The following BMP7 variants were observed in gnomAD, a reference collection of about 807,000 sequenced individuals.
BMP7 encodes the protein bone morphogenetic protein 7.
A neutral mutation model predicts 41.2 loss-of-function variants in BMP7; 12 were observed. The observed-to-expected ratio is 0.29, with a 90% confidence interval of 0.19 to 0.47. The LOEUF (loss-of-function observed/expected upper bound fraction) is 0.47. BMP7 is among the 20% of genes least tolerant of loss of function. The pLI, the probability that BMP7 is intolerant of heterozygous loss-of-function variation, is 0.99. For synonymous variants in BMP7, 248 were observed against 250.0 expected, an observed-to-expected ratio of 0.99 and a Z score of 0.07; for missense variants, 467 against 606.0, an observed-to-expected ratio of 0.77 and a Z score of 2.41.
At chr20:57,180,257 A>C (rs917489688) in intron 4 of BMP7, among the ~76,000 whole-genome samples, 1 of 151,812 alleles carries the variant, frequency 6.6e-6, no homozygotes, top group Non-Finnish European at 1.5e-5. Context: ...TCAAGACGTG[A>C]CTCCCAAGAG....
intron 4 of BMP7, among the ~76,000 whole-genome samples, 170 bp from the exon 5 acceptor site, chr20:57,175,177 C>T (rs1489949332): frequency 1.3e-5 from 2 of 152,228 alleles, no homozygotes; most frequent in Non-Finnish European, 2.9e-5. Flanking sequence ...TGCCTTAAAA[C>T]TCATTTCTAC....
chr20:57,251,917 G>A (rs2066115485), intron 1 of BMP7, among the ~76,000 whole-genome samples: 1 of 152,222 alleles, frequency 6.6e-6, no homozygotes, highest in Non-Finnish European at 1.5e-5. Flanking sequence ...CTGGGTGACA[G>A]AGCAAGGCTC....
intron 1 of BMP7, among the ~76,000 whole-genome samples, chr20:57,245,280 TA>T (rs1470380960): frequency 6.6e-6 from 1 of 152,130 alleles, no homozygotes; most frequent in Admixed American, 6.5e-5. Flanking sequence ...GGTTGTCCTT[TA>T]AACCTCTTTC....
chr20:57,179,576 G>A (rs1600728500), intron 4 of BMP7, among the ~76,000 whole-genome samples: 1 of 152,214 alleles, frequency 6.6e-6, no homozygotes, highest in African/African-American at 2.4e-5. Flanking sequence ...GTGGGGTAGC[G>A]TGCCGGAGCA....
rs1261801528 is a variant in BMP7 at position 57,224,093 on chromosome 20, G to C, written c.611+4136C>G. Among the ~76,000 whole-genome samples the C allele has an allele frequency of 3.9e-5, 6 of 152,220 alleles. No homozygotes were observed. The highest frequency in any genetic ancestry group is 1.4e-4 in the African/African-American group (6 of 41,464). On this transcript the variant is annotated intron_variant, in intron 2 of 6. Transcript: ENST00000395863. The surrounding 1 kb of genome is among the most constrained non-coding windows in gnomAD (Gnocchi z 4.8). Reference sequence around the variant, plus strand: ...CCATCCCAGGGCTAGTCGAGGGCAAGAGCCTCTGCCTGGGCTGAAGGGACC... The same window carrying C: ...CCATCCCAGGGCTAGTCGAGGGCAACAGCCTCTGCCTGGGCTGAAGGGACC...
rs548469652 is a variant in BMP7 at position 57,229,001 on chromosome 20, C to T, written c.419-580G>A. The stretch of plus-strand genomic sequence containing the variant: ...GACCAGGGGTTCTCAGCCCTGAATG[C>T]ACATGAAAATCACTGTGGAAACTTT... On this transcript the variant is annotated intron_variant, in intron 1 of 6. Transcript: ENST00000395863. 5.9e-5 allele frequency among the ~76,000 whole-genome samples: 9 copies of T among 152,324 alleles called. No individual in the cohort carries two copies. The South Asian group carries it at 1.9e-3, about 32-fold the overall frequency.
At chr20:57,187,329 G>T (rs1200638478) in intron 3 of BMP7, among the ~76,000 whole-genome samples, 1 of 152,172 alleles carries the variant, frequency 6.6e-6, no homozygotes, top group African/African-American at 2.4e-5. Context: ...CCCCCTTTCC[G>T]TGATAGCCAA....
intron 4 of BMP7, among the ~76,000 whole-genome samples, chr20:57,177,404 G>A (rs372200384): frequency 6.6e-6 from 1 of 152,016 alleles, no homozygotes; most frequent in African/African-American, 2.4e-5. Context: ...CTGGAGTACA[G>A]TGGTGCAATC....
At chr20:57,184,426 G>C (rs1984164000) in intron 3 of BMP7, among the ~76,000 whole-genome samples, 2 of 152,152 alleles carry the variant, frequency 1.3e-5, no homozygotes, top group Admixed American at 1.3e-4. Flanking sequence ...GTGCATTCCA[G>C]GCAGAGGGAA....
chr20:57,189,511 C>T (rs1213070576), intron 3 of BMP7, among the ~76,000 whole-genome samples: 3 of 152,238 alleles, frequency 2.0e-5, no homozygotes, highest in East Asian at 1.9e-4. Context: ...ATCGCACACG[C>T]GTGACGCAGA....
chr20:57,254,965 C>T (rs1012064353), intron 1 of BMP7, among the ~76,000 whole-genome samples: 5 of 152,254 alleles, frequency 3.3e-5, no homozygotes, highest in Middle Eastern at 3.4e-3. Flanking sequence ...ACTCAGGGCC[C>T]TATGCCCTGA....
chr20:57,264,182 T>C (rs1179157250), intron 1 of BMP7, among the ~76,000 whole-genome samples: 4 of 152,206 alleles, frequency 2.6e-5, no homozygotes, highest in African/African-American at 9.6e-5. Context: ...GTACAGACAA[T>C]GGCCTCCCGG....
chr20:57,175,102 A>C, intron 4 of BMP7, 95 bp from the exon 5 acceptor site: 1 of 1,282,052 alleles, frequency 7.8e-7, no homozygotes, highest in Non-Finnish European at 1.1e-6. Context: ...TGATGTGAAC[A>C]GCAATGAAGC....
At chr20:57,180,495 G>T (rs1315939500) in intron 4 of BMP7, among the ~76,000 whole-genome samples, 2 of 152,166 alleles carry the variant, frequency 1.3e-5, no homozygotes, top group African/African-American at 4.8e-5. Context: ...GGGATGGGCT[G>T]CGTTCCCTAG....
intron 2 of BMP7, among the ~76,000 whole-genome samples, chr20:57,206,448 A>G (rs565725324): frequency 2.2e-4 from 33 of 152,320 alleles, no homozygotes; most frequent in Non-Finnish European, 3.8e-4. Flanking sequence ...ACCAGGCGAC[A>G]GCGCAGGAAA....
chr20:57,186,327 A>G (rs1984210596), intron 3 of BMP7, among the ~76,000 whole-genome samples: 1 of 149,474 alleles, frequency 6.7e-6, no homozygotes, highest in Non-Finnish European at 1.5e-5. Context: ...CCCGGAAAAC[A>G]GGGGAGGAAA....
chr20:57,221,806 T>C (rs372273486), intron 2 of BMP7, among the ~76,000 whole-genome samples: 1,254 of 74,528 alleles, frequency 0.017, 13 homozygotes, highest in African/African-American at 0.064. Flanking sequence ...CAAGACCCTA[T>C]CTCTCAAAAA....
rs531449774 is a variant in BMP7, at chr20:57,205,868, G to A, written c.612-3245C>T. ...GTCAACTCCCCTCCTTCAAGTCATA[G>A]TTTGCAATTTGTCCCAGGCACACTT... On this transcript the variant is annotated intron_variant, in intron 2 of 6. Coordinates refer to ENST00000395863, the MANE Select transcript of BMP7 (RefSeq NM_001719.3). Among the ~76,000 whole-genome samples the A allele has an allele frequency of 3.9e-5, 6 of 152,286 alleles. No individual in the cohort carries two copies. In the South Asian group the frequency reaches 1.2e-3, roughly 32 times the overall value.
rs116291312 is a variant in BMP7 at position 57,243,274 on chromosome 20, C to T, written c.419-14853G>A. ...TCGAGGCAGGTGTATCACTTGAGTC[C>T]GGGAGACCAGCCTGGCTAATATGCC... is the stretch of plus-strand genomic sequence containing the variant. On this transcript the variant is annotated intron_variant, in intron 1 of 6. Coordinates refer to ENST00000395863, the MANE Select transcript of BMP7 (RefSeq NM_001719.3). 4.2e-3 allele frequency among the ~76,000 whole-genome samples: 643 copies of T among 152,018 alleles called. 7 individuals carry two copies. Among genetic ancestry groups the T allele is most frequent in the African/African-American group, 0.014 (596 of 41,498 alleles).
Sources: allele counts gnomAD v4.1 joint callset (sites outside exome capture counted in the v4.1 genomes callset), GRCh38; gene constraint gnomAD v4.1.1; non-coding constraint Gnocchi (gnomAD v3.1); transcripts MANE v1.5; gene names NCBI Gene and HGNC (gene_info 2026-07-23, HGNC 2026-07-21).